The following EXOSC9 variants were observed in gnomAD, a reference collection of about 807,000 sequenced individuals.
The protein encoded by EXOSC9 is exosome component 9, also known as exosome complex component RRP45.
Under a neutral mutation model 56.5 loss-of-function variants are expected in EXOSC9, and 38 were observed. The ratio of observed to expected loss-of-function variants is 0.67; its 90% confidence interval spans 0.52 to 0.88. EXOSC9 has a LOEUF of 0.88. EXOSC9 is among the 40% of genes least tolerant of loss of function. The pLI is 0.00. For missense variants in EXOSC9, 559 were observed against 530.5 expected (o/e 1.05, Z -0.53); for synonymous variants, 170 against 170.8 (o/e 0.99, Z 0.04).
intron 6 of EXOSC9, among the ~76,000 whole-genome samples, chr4:121,808,140 G>A (rs900070933): frequency 6.6e-6 from 1 of 152,134 alleles, no homozygotes; most frequent in Non-Finnish European, 1.5e-5. Context: ...CAGAAAACTT[G>A]GAGTTTTTCA....
At position 121,816,680 on chromosome 4, in the gene EXOSC9, A is replaced by G; in HGVS notation, c.1236-92A>G. ...GTCTTACTCATAGCTGACACATTTT[A>G]GATCCTACTGGAAAACTAAGAAATG... On this transcript the variant is annotated intron_variant, in intron 11 of 11. Transcript: ENST00000243498. The G allele has an allele frequency of 3.1e-6, 4 of 1,294,482 alleles. No individual in the cohort carries two copies. The South Asian group carries it at 6.5e-5, about 21-fold the overall frequency. 80.2% of individuals were successfully genotyped at this position (1,294,482 alleles called of 1,614,324 possible). A position where few individuals can be genotyped will look rare whatever the true frequency, so the allele number is the denominator to read the frequency against.
At chr4:121,811,546 A>G (rs1465327307) in intron 7 of EXOSC9, 37 bp from the exon 8 acceptor site, 1 of 1,246,344 alleles carries the variant, frequency 8.0e-7, no homozygotes, top group East Asian at 2.4e-5. Context: ...TATTTGGTTT[A>G]TTGTCTTTAA....
At chr4:121,810,426 T>A (rs923109864) in intron 7 of EXOSC9, among the ~76,000 whole-genome samples, 1 of 150,170 alleles carries the variant, frequency 6.7e-6, no homozygotes, top group Non-Finnish European at 1.5e-5. Context: ...ACGCCTGTAA[T>A]CCCAGCACTT....
chr4:121,807,640 A>G lies in EXOSC9; in HGVS notation c.605+18A>G. The G allele has an allele frequency of 6.7e-7, 1 of 1,495,626 alleles. No homozygotes were observed. The highest frequency in any genetic ancestry group is 1.1e-5 in the South Asian group (1 of 88,312). 92.6% of individuals were successfully genotyped at this position (1,495,626 alleles called of 1,614,324 possible). On this transcript the variant is annotated intron_variant, in intron 6 of 11. Transcript: ENST00000243498. ...CAGCAAGGGTAAGCCTCGCCTTATTATGGGCCAAAATTACAAATGCAGCTA... is the reference window on the plus strand; with the variant it reads ...CAGCAAGGGTAAGCCTCGCCTTATTGTGGGCCAAAATTACAAATGCAGCTA...
At chr4:121,813,656 T>C in intron 9 of EXOSC9, 2 of 533,522 alleles carry the variant, frequency 3.7e-6, no homozygotes, top group Non-Finnish European at 6.6e-6. Context: ...CTCTTCACAT[T>C]TCTTATTAAT....
At chr4:121,803,517 G>A (rs1726930111) in intron 4 of EXOSC9, among the ~76,000 whole-genome samples, 1 of 151,974 alleles carries the variant, frequency 6.6e-6, no homozygotes, top group Non-Finnish European at 1.5e-5. Context: ...GCTGCATTAG[G>A]ATATTAGAAT....
In EXOSC9 at chr4:121,816,833, AAAAAGAAGAG is replaced by A. The variant is rs1724534631; in HGVS notation, c.1299_1308del (p.Lys434LeufsTer38). 6.3e-7 allele frequency: 1 copy of A among 1,597,350 alleles called. No homozygotes were observed. Among genetic ancestry groups the A allele is most frequent in the African/African-American group, 1.3e-5 (1 of 74,136 alleles). ...AAGTAAAAAGCCAGTGAAAAGAAGA[AAAAAGAAGAG>A]AGCTGCCAATTAAAGCTAACAGTTG... On this transcript the variant is annotated frameshift_variant, in exon 12 of 12. Transcript: ENST00000243498. LOFTEE classifies it high-confidence loss of function.
chr4:121,807,091 G>C (rs755093384), intron 5 of EXOSC9, among the ~76,000 whole-genome samples: 2 of 152,118 alleles, frequency 1.3e-5, no homozygotes, highest in Non-Finnish European at 2.9e-5. Flanking sequence ...TTGGGAGTTC[G>C]AGACCAGCCT....
intron 8 of EXOSC9, 24 bp downstream of exon 8, chr4:121,811,695 G>C: frequency 8.4e-7 from 1 of 1,195,852 alleles, no homozygotes; most frequent in Middle Eastern, 2.8e-4. Flanking sequence ...CCAGAACTAA[G>C]TGGTCTTTTA....
chr4:121,816,894 A>G lies in EXOSC9; in HGVS notation c.*38A>G. The stretch of plus-strand genomic sequence containing the variant: ...TATATCTGTATATATAACTATTAAA[A>G]GGGATATTTATTCCATTCTGAGAAC... On this transcript the variant is annotated 3_prime_UTR_variant, in exon 12 of 12. Coordinates refer to ENST00000243498, the MANE Select transcript of EXOSC9 (RefSeq NM_005033.3). The G allele has an allele frequency of 6.8e-7, 1 of 1,476,782 alleles. No individual in the cohort carries two copies. The highest frequency in any genetic ancestry group is 2.6e-5 in the Admixed American group (1 of 39,084). The allele number at this position is 1,476,782 out of a possible 1,614,324, so 91.5% of individuals were successfully genotyped here.
intron 11 of EXOSC9, 40 bp downstream of exon 11, chr4:121,816,487 T>C: frequency 7.9e-7 from 1 of 1,264,508 alleles, no homozygotes; most frequent in Non-Finnish European, 1.1e-6. Context: ...ATACATATAC[T>C]CAACACTTAT....
In EXOSC9 at chr4:121,813,737, A is replaced by C. The variant is rs182108317; in HGVS notation, c.975-129A>C. On this transcript the variant is annotated intron_variant, in intron 9 of 11. Transcript: ENST00000243498. ...CAGCCATCCATAGTGTAGCTATATTAAGTTTTTTTTCCCCTAGGAACTTGG... is the reference window on the plus strand; with the variant it reads ...CAGCCATCCATAGTGTAGCTATATTCAGTTTTTTTTCCCCTAGGAACTTGG... 1.5e-3 allele frequency: 991 copies of C among 644,750 alleles called. 16 individuals carry two copies. In the East Asian group the frequency reaches 0.026, roughly 17 times the overall value. 39.9% of individuals were successfully genotyped at this position (644,750 alleles called of 1,614,324 possible). A position where few individuals can be genotyped will look rare whatever the true frequency, so the allele number is the denominator to read the frequency against.
At chr4:121,802,169 A>G (rs1015638828) in intron 2 of EXOSC9, among the ~76,000 whole-genome samples, 1 of 152,236 alleles carries the variant, frequency 6.6e-6, no homozygotes, top group African/African-American at 2.4e-5. Flanking sequence ...ATAGACAACT[A>G]GTAGTGATCA....
chr4:121,805,630 AAGT>A (rs1250584464), intron 5 of EXOSC9, among the ~76,000 whole-genome samples: 2 of 152,304 alleles, frequency 1.3e-5, no homozygotes, highest in African/African-American at 4.8e-5. Flanking sequence ...AAGTGAAAAA[AAGT>A]AGAAAGCGAT....
In EXOSC9 at chr4:121,813,221, C is replaced by A. The variant is rs762616198; in HGVS notation, c.828-13C>A. On this transcript the variant is annotated splice_polypyrimidine_tract_variant and intron_variant, in intron 8 of 11. Transcript: ENST00000243498. ...TCCCCCTTCCTTCCCACCAAAAAAA[C>A]CCCCACATACAGGAAAGAAGGTGGA... 1.2e-5 allele frequency: 19 copies of A among 1,591,430 alleles called. No homozygotes were observed. Among genetic ancestry groups the A allele is most frequent in the Middle Eastern group, 1.7e-4 (1 of 5,948 alleles).
chr4:121,816,733 A>G, intron 11 of EXOSC9, 39 bp from the exon 12 acceptor site: 1 of 1,534,936 alleles, frequency 6.5e-7, no homozygotes, highest in Non-Finnish European at 8.7e-7. Context: ...CCAAAACTTA[A>G]CATACTCTTA....
intron 8 of EXOSC9, 52 bp from the exon 9 acceptor site, chr4:121,813,182 A>G (rs1372547724): frequency 1.6e-5 from 24 of 1,534,944 alleles, no homozygotes; most frequent in Non-Finnish European, 2.0e-5. Flanking sequence ...CTTCTATCCA[A>G]TCTGTTACCT....
Position 121,813,872 on chromosome 4 carries a change from T to TAC in EXOSC9, c.984_985dup (p.Pro329HisfsTer16), listed in dbSNP as rs1182386221. 3.1e-6 allele frequency: 5 copies of TAC among 1,608,816 alleles called. No homozygotes were observed. In the African/African-American group the frequency reaches 6.7e-5, roughly 22 times the overall value. ...GTTTTCTTAACTTGTTAAGTGTTTCTACACCTGTGCTATGGACTCCTGGAA... is the reference window on the plus strand; with the variant it reads ...GTTTTCTTAACTTGTTAAGTGTTTCTACACACCTGTGCTATGGACTCCTGGAA... On this transcript the variant is annotated frameshift_variant, in exon 10 of 12. Coordinates refer to ENST00000243498, the MANE Select transcript of EXOSC9 (RefSeq NM_005033.3). LOFTEE classifies it high-confidence loss of function.
In EXOSC9 at chr4:121,813,856, A is replaced by G; in HGVS notation, c.975-10A>G. The G allele has an allele frequency of 6.3e-7, 1 of 1,584,808 alleles. No homozygotes were observed. Among genetic ancestry groups the G allele is most frequent in the Non-Finnish European group, 8.6e-7 (1 of 1,161,510 alleles). On this transcript the variant is annotated splice_polypyrimidine_tract_variant and intron_variant, in intron 9 of 11. Coordinates refer to ENST00000243498, the MANE Select transcript of EXOSC9 (RefSeq NM_005033.3). ...ATATTTTTGTTACTCAGTTTTCTTA[A>G]CTTGTTAAGTGTTTCTACACCTGTG... is the stretch of plus-strand genomic sequence containing the variant.
Sources: allele counts gnomAD v4.1 joint callset (sites outside exome capture counted in the v4.1 genomes callset), GRCh38; gene constraint gnomAD v4.1.1; transcripts MANE v1.5; gene names NCBI Gene and HGNC (gene_info 2026-07-23, HGNC 2026-07-21).